Variants in LIFR observed in about 807,000 individuals in gnomAD.
LIFR encodes the protein leukemia inhibitory factor receptor.
LIFR carries 84 observed loss-of-function variants against 122.2 expected under a neutral mutation model. The observed-to-expected ratio is 0.69, with a 90% CI of 0.58 to 0.82. The LOEUF (loss-of-function observed/expected upper bound fraction) is 0.82, where lower values mean the gene tolerates loss of function less well. Among genes scored for constraint, LIFR ranks in the 40% least tolerant of loss-of-function variants. The pLI, the probability that LIFR is intolerant of heterozygous loss-of-function variation, is 0.00. For missense variants in LIFR, 1,294 were observed against 1,311.6 expected, an observed-to-expected ratio of 0.99 and a Z score of 0.21; for synonymous variants, 422 against 434.7, an observed-to-expected ratio of 0.97 and a Z score of 0.36.
At chr5:38,549,947 G>C (rs1748112252) in intron 1 of LIFR, among the ~76,000 whole-genome samples, 2 of 152,112 alleles carry the variant, frequency 1.3e-5, no homozygotes, top group Non-Finnish European at 2.9e-5. Flanking sequence ...CAGTAAGTAG[G>C]CTTCTTAAGA....
At chr5:38,600,332 G>T (rs1322086848), upstream of LIFR, among the ~76,000 whole-genome samples, 1 of 152,132 alleles carries the variant, frequency 6.6e-6, no homozygotes, top group Admixed American at 6.5e-5. Flanking sequence ...TTGGGCCATT[G>T]GTCACTCATA....
At chr5:38,503,371 T>A (rs1336124868) in intron 10 of LIFR, among the ~76,000 whole-genome samples, 2 of 152,178 alleles carry the variant, frequency 1.3e-5, no homozygotes, top group African/African-American at 2.4e-5. Flanking sequence ...CAAATTTGAA[T>A]ATCTGCCTGT....
chr5:38,592,023 C>A (rs1749936067), intron 1 of LIFR, among the ~76,000 whole-genome samples: 1 of 152,126 alleles, frequency 6.6e-6, no homozygotes, highest in Admixed American at 6.5e-5. Context: ...CTCCCAAGAA[C>A]CACAATCCAT....
Position 38,527,188 on chromosome 5 carries a change from T to C in LIFR, c.364A>G (p.Thr122Ala), listed in dbSNP as rs145163157. Reference sequence around the variant, plus strand: ...TGTTCATTTAGTGTGAATTTACTTGTAGAACTTCCAAAATCATGTAGAGAA... The same window carrying C: ...TGTTCATTTAGTGTGAATTTACTTGCAGAACTTCCAAAATCATGTAGAGAA... The part of the protein sequence containing the change: ...INSLHDFGSS[T>A]SKFTLNEQNV... The change falls in exon 4 of 20, where the codon ACA (threonine) becomes GCA (alanine). Residue 122 changes from threonine (T) to alanine (A), a missense_variant. Coordinates refer to ENST00000453190, the MANE Select transcript of LIFR (RefSeq NM_001127671.2). 2.2e-4 allele frequency: 349 copies of C among 1,593,666 alleles called. 1 individual carries two copies. The African/African-American group carries it at 3.8e-3, about 17-fold the overall frequency.
chr5:38,495,133 G>A (rs1744812149), intron 13 of LIFR, among the ~76,000 whole-genome samples: 1 of 152,200 alleles, frequency 6.6e-6, no homozygotes, highest in Non-Finnish European at 1.5e-5. Flanking sequence ...CTCAAGGAAT[G>A]AGGATTTGTT....
At chr5:38,484,623 T>C (rs1424857220) in intron 18 of LIFR, 152 bp downstream of exon 18, 1 of 629,650 alleles carries the variant, frequency 1.6e-6, no homozygotes, top group Non-Finnish European at 2.9e-6. Flanking sequence ...ATGTTCTTAA[T>C]ATTAAATCCA....
intron 1 of LIFR, among the ~76,000 whole-genome samples, chr5:38,551,063 T>C (rs1026503656): frequency 6.6e-5 from 10 of 152,168 alleles, no homozygotes; most frequent in Non-Finnish European, 4.4e-5. Context: ...ATTGTGGTGA[T>C]CCAGGCAACT....
intron 17 of LIFR, among the ~76,000 whole-genome samples, chr5:38,485,088 T>C (rs1744211462): frequency 6.6e-6 from 1 of 152,246 alleles, no homozygotes; most frequent in African/African-American, 2.4e-5. Context: ...TCAATCTTGA[T>C]ACTTGTGACA....
chr5:38,523,016 TA>T (rs200010665), intron 5 of LIFR, among the ~76,000 whole-genome samples: 7 of 151,748 alleles, frequency 4.6e-5, no homozygotes, highest in African/African-American at 1.7e-4. Context: ...TATAGATTTA[TA>T]AAAAAAAATT....
intron 18 of LIFR, among the ~76,000 whole-genome samples, chr5:38,484,320 A>G (rs1744158890): frequency 6.6e-6 from 1 of 152,138 alleles, no homozygotes; most frequent in Non-Finnish European, 1.5e-5. Flanking sequence ...AGTCTATAAG[A>G]GCCATGGCTT....
intron 1 of LIFR, among the ~76,000 whole-genome samples, chr5:38,583,483 T>G (rs1438943536): frequency 6.6e-6 from 1 of 152,060 alleles, no homozygotes; most frequent in Non-Finnish European, 1.5e-5. Flanking sequence ...GCTTCTGCAC[T>G]GCAAAGGAAA....
At chr5:38,580,997 G>C (rs1749563264) in intron 1 of LIFR, among the ~76,000 whole-genome samples, 1 of 152,160 alleles carries the variant, frequency 6.6e-6, no homozygotes, top group Non-Finnish European at 1.5e-5. Flanking sequence ...GAGTGACTTA[G>C]CCAAGTTATT....
At chr5:38,503,881 T>C in intron 10 of LIFR, 95 bp downstream of exon 10, 2 of 872,610 alleles carry the variant, frequency 2.3e-6, no homozygotes, top group South Asian at 1.5e-5. Context: ...CTATAATAAA[T>C]AATCTGAGAG....
rs936032410 is a variant in LIFR, at chr5:38,502,799, G to A, written c.1438C>T (p.Arg480Trp). 8 of 1,563,870 alleles carry A rather than the reference G, an allele frequency of 5.1e-6. No individual in the cohort carries two copies. Among genetic ancestry groups the A allele is most frequent in the African/African-American group, 1.4e-5 (1 of 73,764 alleles). The change falls in exon 11 of 20, where the codon CGG (arginine) becomes TGG (tryptophan). Residue 480 changes from arginine to tryptophan, a missense_variant and splice_region_variant. Arg to Trp is a moderately radical substitution (Grantham distance 101). Transcript: ENST00000453190. ...IKKSNSVQEQRNVTIKGVENS... is the reference protein window; with the variant it reads ...IKKSNSVQEQWNVTIKGVENS... ...TCTACTCCTTTGATTGTGACATTCC[G>A]CTATTGGAAAACAAATAAATATATA...
In LIFR at chr5:38,527,187, G is replaced by A; in HGVS notation, c.365C>T (p.Thr122Ile). 6.3e-7 allele frequency: 1 copy of A among 1,593,104 alleles called. No individual in the cohort carries two copies. The highest frequency in any genetic ancestry group is 1.1e-5 in the South Asian group (1 of 89,798). ...INSLHDFGSS[T>I]SKFTLNEQNV... Reference sequence around the variant, plus strand: ...TTGTTCATTTAGTGTGAATTTACTTGTAGAACTTCCAAAATCATGTAGAGA... The same window carrying A: ...TTGTTCATTTAGTGTGAATTTACTTATAGAACTTCCAAAATCATGTAGAGA... Residue 122 changes from threonine (T) to isoleucine (I), a missense_variant, in exon 4 of 20, where the codon ACA (threonine) becomes ATA (isoleucine). By Grantham distance (89) the Thr-to-Ile change is moderately conservative. Transcript: ENST00000453190.
intron 1 of LIFR, among the ~76,000 whole-genome samples, chr5:38,582,342 G>A (rs2112742938): frequency 6.6e-6 from 1 of 152,272 alleles, no homozygotes; most frequent in Middle Eastern, 3.4e-3. Flanking sequence ...GCAGAGGTAG[G>A]TGACCAAGTA....
chr5:38,541,009 T>C (rs1312460349), intron 1 of LIFR, among the ~76,000 whole-genome samples: 1 of 152,192 alleles, frequency 6.6e-6, no homozygotes, highest in Non-Finnish European at 1.5e-5. Flanking sequence ...AATCTGAAGC[T>C]TTCCACTCCA....
rs778391750 is a variant in LIFR, at chr5:38,496,518, G to A, written c.1749C>T (p.Ser583=). Residue 583 remains serine, a synonymous_variant, in exon 13 of 20, where the codon TCC becomes TCT. Transcript: ENST00000453190. ...VSCSSDEETQ[S]LSEIPDPQHK... is the part of the protein sequence containing the mutation. ...GCTGAGGATCAGGGATTTCAGAAAGGGACTGTGTTTCCTCATCTGATGAAC... is the reference window on the plus strand; with the variant it reads ...GCTGAGGATCAGGGATTTCAGAAAGAGACTGTGTTTCCTCATCTGATGAAC... 9 of 1,613,694 alleles carry A rather than the reference G, an allele frequency of 5.6e-6. No homozygotes were observed. In the South Asian group the frequency reaches 6.6e-5, roughly 12 times the overall value.
At chr5:38,525,194 AAAG>A (rs1372290790) in intron 4 of LIFR, among the ~76,000 whole-genome samples, 5 of 152,244 alleles carry the variant, frequency 3.3e-5, no homozygotes, top group Non-Finnish European at 7.3e-5. Context: ...AATGGAAAAC[AAAG>A]AAGGTATGAG....
Sources: gnomAD v4.1 joint callset for allele counts (sites outside exome capture counted in the v4.1 genomes callset) on GRCh38, gnomAD v4.1.1 for gene constraint, MANE v1.5 for transcripts, NCBI Gene and HGNC (gene_info 2026-07-23, HGNC 2026-07-21) for gene names.